The following MICAL3 variants were observed in gnomAD, a reference collection of about 807,000 sequenced individuals.
MICAL3 encodes the protein microtubule associated monooxygenase, calponin and LIM domain containing 3, also known as [F-actin]-monooxygenase MICAL3.
MICAL3 carries 62 observed loss-of-function variants against 207.4 expected under a neutral mutation model. That is an observed-to-expected ratio of 0.30 (90% CI 0.24 to 0.37). The LOEUF is 0.37. Among genes scored for constraint, MICAL3 ranks in the 10% least tolerant of loss-of-function variants. The probability of loss-of-function intolerance (pLI) is 1.00; values close to 1 mark genes in which losing one functional copy is unlikely to be tolerated. For synonymous variants in MICAL3, 1,077 were observed against 1,069.3 expected, an observed-to-expected ratio of 1.01 and a Z score of -0.14; for missense variants, 2,368 against 2,635.6, an observed-to-expected ratio of 0.90 and a Z score of 2.22.
In MICAL3 at chr22:17,831,950, A is replaced by C; in HGVS notation, c.2959T>G (p.Phe987Val). The C allele has an allele frequency of 6.3e-7, 1 of 1,581,864 alleles. No individual in the cohort carries two copies. Among genetic ancestry groups the C allele is most frequent in the Non-Finnish European group, 8.6e-7 (1 of 1,164,282 alleles). The stretch of plus-strand genomic sequence containing the variant: ...TCCTCCTCTTCATTCCCAGGCCCAA[A>C]GCTCTTTGAGGCCTCTAGCTCCTCT... ...SEEELEASKS[F>V]GPGNEEEEEE... The change falls in exon 21 of 32, where the codon TTT becomes GTT. Residue 987 changes from phenylalanine (F) to valine (V), a missense_variant. This residue lies in a region of MICAL3 where 1,770 missense variants were observed against 1,863.2 expected (regional missense o/e 0.95). Transcript: ENST00000441493.
intron 19 of MICAL3, among the ~76,000 whole-genome samples, chr22:17,843,361 G>A (rs1281777433): frequency 6.6e-6 from 1 of 152,126 alleles, no homozygotes; most frequent in Non-Finnish European, 1.5e-5. Flanking sequence ...GGTCAGAGGA[G>A]GCTGTCATGA....
rs532528128 is a variant in MICAL3, at chr22:17,885,986, C to A, written c.2133G>T (p.Arg711Ser). The change falls in exon 16 of 32, where the codon AGG (arginine) becomes AGT (serine). Residue 711 changes from arginine (R) to serine (S), a missense_variant. Arg to Ser is a moderately radical substitution (Grantham distance 110). Coordinates refer to ENST00000441493, the MANE Select transcript of MICAL3 (RefSeq NM_015241.3). ...TCTGGTTCCCAACGGCAACGTCCAT[C>A]CTCCTGTCTGTCAGAGTGCTCACCA... ...PTLVSTLTDR[R>S]MDVAVGNQNK... 1 of 1,614,058 alleles carries A rather than the reference C, an allele frequency of 6.2e-7. No homozygotes were observed. Among genetic ancestry groups the A allele is most frequent in the East Asian group, 2.2e-5 (1 of 44,892 alleles).
In MICAL3 at chr22:17,891,421, G is replaced by C; in HGVS notation, c.1694+64C>G. On this transcript the variant is annotated intron_variant, in intron 12 of 31. Transcript: ENST00000441493. ...TAGGAAAAAGGACAAAATGTTACTTGATAGCAGAGTGGTCTGAGATCCTTG... is the reference window on the plus strand; with the variant it reads ...TAGGAAAAAGGACAAAATGTTACTTCATAGCAGAGTGGTCTGAGATCCTTG... The C allele has an allele frequency of 2.7e-6, 4 of 1,465,348 alleles. No homozygotes were observed. In the South Asian group the frequency reaches 4.6e-5, roughly 17 times the overall value. The allele number at this position is 1,465,348 out of a possible 1,614,324, so 90.8% of individuals were successfully genotyped here.
chr22:17,943,062 G>A (rs556363199), intron 1 of MICAL3, among the ~76,000 whole-genome samples: 21 of 152,272 alleles, frequency 1.4e-4, no homozygotes, highest in African/African-American at 4.8e-4. Context: ...CTCTGCAAAG[G>A]AACCGAGTGA....
At chr22:17,832,470 A>G (rs1922907279) in intron 20 of MICAL3, among the ~76,000 whole-genome samples, 2 of 152,182 alleles carry the variant, frequency 1.3e-5, no homozygotes, top group Admixed American at 1.3e-4. Flanking sequence ...CACGGAGCCC[A>G]TGGAAGTTCC....
At chr22:17,797,876 G>T (rs563581294) in intron 29 of MICAL3, among the ~76,000 whole-genome samples, 83 of 152,348 alleles carry the variant, frequency 5.4e-4, no homozygotes, top group Middle Eastern at 3.4e-3. Flanking sequence ...CGTCCTCCAG[G>T]CCTGCTGGAC....
chr22:17,973,813 G>A (rs1380834429), intron 1 of MICAL3, among the ~76,000 whole-genome samples: 1 of 152,082 alleles, frequency 6.6e-6, no homozygotes, highest in Non-Finnish European at 1.5e-5. Flanking sequence ...CCCAGCTACT[G>A]GGGAGGCTGA....
intron 1 of MICAL3, among the ~76,000 whole-genome samples, chr22:18,017,375 G>C (rs1223739546): frequency 6.6e-6 from 1 of 151,592 alleles, no homozygotes; most frequent in African/African-American, 2.4e-5. Context: ...TACCATGCCT[G>C]GCTAATTTTT....
At chr22:17,975,916 C>T (rs1161774940) in intron 1 of MICAL3, among the ~76,000 whole-genome samples, 2 of 152,012 alleles carry the variant, frequency 1.3e-5, no homozygotes, top group African/African-American at 4.8e-5. Context: ...CCGGGCGTGG[C>T]AGTACATACC....
chr22:18,017,852 G>A (rs1171823266), intron 1 of MICAL3, among the ~76,000 whole-genome samples: 2 of 151,438 alleles, frequency 1.3e-5, no homozygotes, highest in African/African-American at 2.4e-5. Flanking sequence ...CCAGGTTCAC[G>A]CCATTCTCCT....
chr22:17,858,282 C>CCA (rs1926141242), intron 19 of MICAL3, among the ~76,000 whole-genome samples: 1 of 152,182 alleles, frequency 6.6e-6, no homozygotes, highest in South Asian at 2.1e-4. Context: ...TGAGAGGAGC[C>CCA]CACAGTGCCA....
intron 29 of MICAL3, among the ~76,000 whole-genome samples, chr22:17,792,673 C>T (rs115558101): frequency 0.01 from 1,595 of 152,316 alleles, 34 homozygotes; most frequent in African/African-American, 0.037. Flanking sequence ...GGCAGAAATG[C>T]ACCATGTTCA....
At chr22:17,860,388 T>G (rs1926387017) in intron 19 of MICAL3, 3 of 985,308 alleles carry the variant, frequency 3.0e-6, no homozygotes, top group Non-Finnish European at 3.6e-6. Context: ...GGCGTGTTCC[T>G]TGGCACAGCT....
At chr22:17,990,893 A>T (rs1921604027) in intron 1 of MICAL3, among the ~76,000 whole-genome samples, 1 of 152,088 alleles carries the variant, frequency 6.6e-6, no homozygotes, top group Non-Finnish European at 1.5e-5. Flanking sequence ...AAACCCCTTG[A>T]CCTCTTTTAC....
At chr22:17,814,359 G>A (rs375499116) in intron 27 of MICAL3, 5 of 152,142 alleles carry the variant, frequency 3.3e-5, no homozygotes, top group Non-Finnish European at 7.3e-5. Flanking sequence ...TAGATACCAC[G>A]ACCCTTCGTC....
At chr22:17,791,855 G>A (rs1469891118) in intron 29 of MICAL3, among the ~76,000 whole-genome samples, 35 of 152,254 alleles carry the variant, frequency 2.3e-4, no homozygotes, top group Admixed American at 2.3e-3. Context: ...TTAACTTGTG[G>A]CCTATCAAGC....
At chr22:17,964,646 T>G (rs1935064832) in intron 1 of MICAL3, among the ~76,000 whole-genome samples, 2 of 152,214 alleles carry the variant, frequency 1.3e-5, no homozygotes, top group Non-Finnish European at 2.9e-5. Context: ...GACAGAAAGT[T>G]TCTGTGAGTA....
intron 1 of MICAL3, among the ~76,000 whole-genome samples, chr22:17,956,209 G>A (rs918815638): frequency 5.3e-5 from 8 of 152,182 alleles, no homozygotes; most frequent in South Asian, 2.1e-4. Flanking sequence ...CCACTCCTCC[G>A]GGGCCCCACA....
intron 16 of MICAL3, among the ~76,000 whole-genome samples, chr22:17,884,788 C>T (rs967411012): frequency 1.3e-5 from 2 of 152,148 alleles, no homozygotes; most frequent in Non-Finnish European, 2.9e-5. Context: ...CAACCACAAC[C>T]GTTTATCAAT....
Sources: allele counts gnomAD v4.1 joint callset (sites outside exome capture counted in the v4.1 genomes callset), GRCh38; gene constraint gnomAD v4.1.1; regional missense constraint gnomAD v4.1.1; transcripts MANE v1.5; gene names NCBI Gene and HGNC (gene_info 2026-07-23, HGNC 2026-07-21).